CCSER2: variants seen among roughly 807,000 people sequenced by gnomAD.
CCSER2 encodes serine-rich coiled-coil domain-containing protein 2.
A neutral mutation model predicts 92.3 loss-of-function variants in CCSER2; 46 were observed. The ratio of observed to expected loss-of-function variants is 0.50; its 90% CI spans 0.39 to 0.64. CCSER2 has a LOEUF of 0.64. Among genes scored for constraint, CCSER2 ranks in the 30% least tolerant of loss-of-function variants. The probability of loss-of-function intolerance (pLI) is 0.00; values close to 1 mark genes in which losing one functional copy is unlikely to be tolerated. For missense variants in CCSER2, 1,244 were observed against 1,238.9 expected (o/e 1.00, Z -0.06); for synonymous variants, 433 against 431.4 (o/e 1.00, Z -0.04).
intron 3 of CCSER2, among the ~76,000 whole-genome samples, chr10:84,379,600 A>T (rs1840782486): frequency 1.6e-5 from 1 of 61,634 alleles, no homozygotes; most frequent in Non-Finnish European, 3.4e-5. Context: ...AGTAGTAAAT[A>T]TAGCAGTTAG....
chr10:84,464,121 A>G, intron 7 of CCSER2, 105 bp downstream of exon 7: 1 of 598,406 alleles, frequency 1.7e-6, no homozygotes, highest in East Asian at 3.0e-5. Context: ...TACCTAAAGC[A>G]TCAGGTTTGT....
chr10:84,441,167 A>G (rs937271023), intron 6 of CCSER2, among the ~76,000 whole-genome samples: 12 of 152,182 alleles, frequency 7.9e-5, no homozygotes, highest in Non-Finnish European at 1.6e-4. Flanking sequence ...TAGTAATCAG[A>G]AACTAGAATT....
intron 1 of CCSER2, among the ~76,000 whole-genome samples, chr10:84,358,607 A>T (rs1320697465): frequency 6.7e-6 from 1 of 150,190 alleles, no homozygotes; most frequent in Non-Finnish European, 1.5e-5. Context: ...GGCTTGGGTG[A>T]CAGTGAGACC....
chr10:84,448,324 A>G (rs549230399), intron 6 of CCSER2, among the ~76,000 whole-genome samples: 2 of 151,710 alleles, frequency 1.3e-5, no homozygotes, highest in South Asian at 4.2e-4. Context: ...ATGCACATAC[A>G]CTCTATTCTT....
chr10:84,461,579 C>G (rs1406689740), intron 6 of CCSER2, among the ~76,000 whole-genome samples: 2 of 151,378 alleles, frequency 1.3e-5, no homozygotes, highest in African/African-American at 4.8e-5. Flanking sequence ...AGTATTTAGC[C>G]CATCAATAGT....
intron 9 of CCSER2, among the ~76,000 whole-genome samples, chr10:84,503,875 T>C (rs1848902612): frequency 6.6e-6 from 1 of 152,232 alleles, no homozygotes; most frequent in African/African-American, 2.4e-5. Flanking sequence ...ACCATAATTA[T>C]ATTAAGAATG....
intron 3 of CCSER2, among the ~76,000 whole-genome samples, chr10:84,375,288 A>G (rs1441819625): frequency 6.6e-6 from 1 of 152,144 alleles, no homozygotes; most frequent in African/African-American, 2.4e-5. Context: ...GTTTATGTCT[A>G]TTGGTATGGG....
chr10:84,481,873 A>G (rs1405097234), intron 9 of CCSER2, among the ~76,000 whole-genome samples: 3 of 152,158 alleles, frequency 2.0e-5, no homozygotes, highest in African/African-American at 7.2e-5. Flanking sequence ...CTAGAGCGGC[A>G]CAGTCCTATA....
chr10:84,442,202 T>TGG (rs35597705), intron 6 of CCSER2, among the ~76,000 whole-genome samples: 3 of 152,110 alleles, frequency 2.0e-5, no homozygotes. Flanking sequence ...GTAAGAAAAG[T>TGG]TGAGATCTCT....
intron 1 of CCSER2, among the ~76,000 whole-genome samples, chr10:84,354,250 CTTT>C (rs536114225): frequency 6.9e-6 from 1 of 145,856 alleles, no homozygotes; most frequent in Non-Finnish European, 1.5e-5. Flanking sequence ...TCTCAAGTTA[CTTT>C]TTTTTTTTTT....
intron 9 of CCSER2, among the ~76,000 whole-genome samples, chr10:84,501,062 G>A (rs1449480158): frequency 2.0e-5 from 3 of 152,144 alleles, no homozygotes; most frequent in Non-Finnish European, 2.9e-5. Flanking sequence ...TAGCAAGTTC[G>A]TTTGTTTACT....
chr10:84,420,787 G>A (rs766184917), intron 4 of CCSER2, among the ~76,000 whole-genome samples: 1 of 151,968 alleles, frequency 6.6e-6, no homozygotes, highest in African/African-American at 2.4e-5. Context: ...CAAAAAATTA[G>A]CCGGGCGTGG....
At chr10:84,439,576 C>A (rs139541107) in intron 6 of CCSER2, among the ~76,000 whole-genome samples, 29 of 152,258 alleles carry the variant, frequency 1.9e-4, no homozygotes, top group African/African-American at 7.0e-4. Flanking sequence ...AAATTTGGCT[C>A]CTGTGTTAGA....
At chr10:84,457,214 A>T (rs1217389491) in intron 6 of CCSER2, among the ~76,000 whole-genome samples, 1 of 112,046 alleles carries the variant, frequency 8.9e-6, no homozygotes, top group Non-Finnish European at 1.7e-5. Context: ...TTATATATAT[A>T]TTACATATTA....
intron 1 of CCSER2, among the ~76,000 whole-genome samples, chr10:84,361,503 T>A (rs1845498805): frequency 6.6e-6 from 1 of 152,222 alleles, no homozygotes; most frequent in South Asian, 2.1e-4. Context: ...ATAAATGGAA[T>A]CACACTATAT....
intron 2 of CCSER2, 78 bp from the exon 3 acceptor site, chr10:84,373,541 A>G: frequency 8.9e-7 from 1 of 1,125,042 alleles, no homozygotes; most frequent in East Asian, 2.6e-5. Context: ...ATGATATATC[A>G]AATTATTAGC....
rs1364481803 is a variant in CCSER2 at position 84,373,776 on chromosome 10, T to C, written c.1575T>C (p.His525=). ...EEGLEPIGNV[H]PVGSYESSEM... ...GCTTGGAACCCATTGGAAATGTCCA[T>C]CCAGTTGGGAGCTATGAGTCCTCTG... Residue 525 remains histidine (H), a synonymous_variant, in exon 3 of 10, where the codon CAT becomes CAC. Transcript: ENST00000372088. 1.3e-5 allele frequency: 21 copies of C among 1,613,758 alleles called. No homozygotes were observed. The highest frequency in any genetic ancestry group is 1.7e-5 in the Non-Finnish European group (20 of 1,179,738).
intron 9 of CCSER2, among the ~76,000 whole-genome samples, chr10:84,481,946 A>G (rs750211758): frequency 6.6e-5 from 10 of 152,154 alleles, no homozygotes; most frequent in Non-Finnish European, 1.2e-4. Context: ...GCACTTGAAA[A>G]TGAAGGAAGA....
At chr10:84,490,465 C>G (rs1341658556) in intron 9 of CCSER2, among the ~76,000 whole-genome samples, 1 of 152,156 alleles carries the variant, frequency 6.6e-6, no homozygotes. Context: ...CTCTAAATTT[C>G]TGTTCTCGCT....
Sources: gnomAD v4.1 joint callset for allele counts (sites outside exome capture counted in the v4.1 genomes callset) on GRCh38, gnomAD v4.1.1 for gene constraint, MANE v1.5 for transcripts, NCBI Gene and HGNC (gene_info 2026-07-23, HGNC 2026-07-21) for gene names.